The following ZMAT4 variants were observed in gnomAD, a reference collection of about 807,000 sequenced individuals.
ZMAT4 encodes zinc finger matrin-type 4, also known as zinc finger matrin-type protein 4.
In ZMAT4, 17 loss-of-function variants were observed where a neutral mutation model predicts 28.7. The ratio of observed to expected loss-of-function variants is 0.59; its 90% confidence interval spans 0.41 to 0.89. The LOEUF (loss-of-function observed/expected upper bound fraction) is 0.89, where lower values mean the gene tolerates loss of function less well. ZMAT4 is among the 40% of genes least tolerant of loss of function. ZMAT4 has a pLI of 0.00. For missense variants in ZMAT4, 240 were observed against 283.8 expected, an observed-to-expected ratio of 0.85 and a Z score of 1.11; for synonymous variants, 117 against 109.2, an observed-to-expected ratio of 1.07 and a Z score of -0.44.
Position 40,643,134 on chromosome 8 carries a change from C to T in ZMAT4, c.577+31570G>A, listed in dbSNP as rs185638178. On this transcript the variant is annotated intron_variant, in intron 5 of 6. Transcript: ENST00000297737. ...CTGTACATTTCTCCATGGCTGCCTT[C>T]CCAGTGTGTTTAACCAAGCACATGT... Among the ~76,000 whole-genome samples, 79 of 152,260 alleles carry T rather than the reference C, an allele frequency of 5.2e-4. 1 individual carries two copies. Among genetic ancestry groups the T allele is most frequent in the African/African-American group, 1.9e-3 (79 of 41,564 alleles).
chr8:40,829,195 T>C (rs1056364579), intron 1 of ZMAT4, among the ~76,000 whole-genome samples: 1 of 152,190 alleles, frequency 6.6e-6, no homozygotes, highest in Non-Finnish European at 1.5e-5. Context: ...AGGAATTTGA[T>C]TTCCTGGGTC....
At chr8:40,580,121 T>C (rs1157146576) in intron 6 of ZMAT4, among the ~76,000 whole-genome samples, 1 of 150,820 alleles carries the variant, frequency 6.6e-6, no homozygotes. Context: ...CAAGAGATTC[T>C]CCTGCCTCAG....
chr8:40,605,204 T>C (rs1196336938), intron 5 of ZMAT4, among the ~76,000 whole-genome samples: 2 of 152,190 alleles, frequency 1.3e-5, no homozygotes, highest in Admixed American at 1.3e-4. Flanking sequence ...ACCTTTGTTA[T>C]TTCTTTTCTT....
intron 5 of ZMAT4, among the ~76,000 whole-genome samples, chr8:40,657,091 T>G (rs1159247318): frequency 6.6e-6 from 1 of 152,168 alleles, no homozygotes; most frequent in Non-Finnish European, 1.5e-5. Flanking sequence ...AGTGCAATGA[T>G]GCAATCTCGG....
intron 1 of ZMAT4, chr8:40,885,055 A>C (rs1818407820): frequency 6.6e-6 from 1 of 151,658 alleles, no homozygotes; most frequent in African/African-American, 2.4e-5. Flanking sequence ...TCCCTAGGTG[A>C]TCTCACAGAC....
chr8:40,853,692 G>T (rs1365491858), intron 1 of ZMAT4, among the ~76,000 whole-genome samples: 1 of 152,138 alleles, frequency 6.6e-6, no homozygotes, highest in African/African-American at 2.4e-5. Context: ...TCAGTGATTT[G>T]GTGCCATTGT....
At chr8:40,820,327 T>C (rs1199827727) in intron 2 of ZMAT4, among the ~76,000 whole-genome samples, 1 of 151,356 alleles carries the variant, frequency 6.6e-6, no homozygotes, top group South Asian at 2.1e-4. Context: ...TATGTGTGTA[T>C]ATGTGTATGT....
intron 1 of ZMAT4, among the ~76,000 whole-genome samples, chr8:40,880,435 A>C (rs1039724621): frequency 6.6e-6 from 1 of 152,158 alleles, no homozygotes; most frequent in Non-Finnish European, 1.5e-5. Flanking sequence ...CACCAATTAA[A>C]GTTCCTTACT....
At chr8:40,566,261 C>A (rs1048044569) in intron 6 of ZMAT4, among the ~76,000 whole-genome samples, 3 of 152,068 alleles carry the variant, frequency 2.0e-5, no homozygotes, top group African/African-American at 7.2e-5. Flanking sequence ...TTGCATGCTC[C>A]AAAAGGTTGA....
intron 3 of ZMAT4, among the ~76,000 whole-genome samples, chr8:40,765,715 G>A (rs1439056248): frequency 6.6e-6 from 1 of 152,164 alleles, no homozygotes; most frequent in South Asian, 2.1e-4. Context: ...TGACCAGAGT[G>A]GCAAGGACCA....
At chr8:40,655,596 G>GA (rs57186189) in intron 5 of ZMAT4, among the ~76,000 whole-genome samples, 9,428 of 146,178 alleles carry the variant, frequency 0.064, 724 homozygotes, top group East Asian at 0.45. Flanking sequence ...CGGTGTTGCA[G>GA]AAAAAAAAAA....
At chr8:40,610,213 T>C (rs752427402) in intron 5 of ZMAT4, among the ~76,000 whole-genome samples, 9 of 152,302 alleles carry the variant, frequency 5.9e-5, no homozygotes, top group South Asian at 2.1e-4. Flanking sequence ...ATATAATACA[T>C]CCAGGAAATA....
At chr8:40,795,508 C>T (rs1021584278) in intron 2 of ZMAT4, among the ~76,000 whole-genome samples, 1 of 152,098 alleles carries the variant, frequency 6.6e-6, no homozygotes, top group Non-Finnish European at 1.5e-5. Context: ...CTAGGCTGTC[C>T]CTAGGCTGAG....
intron 3 of ZMAT4, among the ~76,000 whole-genome samples, chr8:40,759,476 G>A (rs879718281): frequency 3.9e-5 from 6 of 152,086 alleles, no homozygotes; most frequent in Admixed American, 3.3e-4. Flanking sequence ...GACACAAAGA[G>A]GTGATCTCTC....
At chr8:40,648,416 GGAC>G (rs1563386356) in intron 5 of ZMAT4, among the ~76,000 whole-genome samples, 8 of 150,238 alleles carry the variant, frequency 5.3e-5, no homozygotes, top group Admixed American at 2.0e-4. Context: ...AAGAAATATG[GGAC>G]TATGTGAAAA....
chr8:40,695,296 A>C (rs1585891704), intron 4 of ZMAT4, among the ~76,000 whole-genome samples: 1 of 152,058 alleles, frequency 6.6e-6, no homozygotes, highest in South Asian at 2.1e-4. Context: ...GTTGACACCA[A>C]CCCAAGCCAG....
chr8:40,784,807 T>A (rs1813996577), intron 2 of ZMAT4, among the ~76,000 whole-genome samples: 1 of 152,178 alleles, frequency 6.6e-6, no homozygotes, highest in African/African-American at 2.4e-5. Context: ...CTGCCTTGCC[T>A]AAGGTCAAAT....
intron 2 of ZMAT4, among the ~76,000 whole-genome samples, chr8:40,775,459 T>C (rs1813552394): frequency 6.6e-6 from 1 of 152,180 alleles, no homozygotes; most frequent in South Asian, 2.1e-4. Context: ...AAGACTGCAG[T>C]TGAAGCATAA....
intron 5 of ZMAT4, among the ~76,000 whole-genome samples, chr8:40,668,291 G>A (rs970666955): frequency 6.6e-6 from 1 of 151,840 alleles, no homozygotes; most frequent in African/African-American, 2.4e-5. Context: ...CCAACATTGG[G>A]AAACCCCATC....
Sources: allele counts gnomAD v4.1 joint callset (sites outside exome capture counted in the v4.1 genomes callset), GRCh38; gene constraint gnomAD v4.1.1; transcripts MANE v1.5; gene names NCBI Gene and HGNC (gene_info 2026-07-23, HGNC 2026-07-21).